The following AGXT2 variants were observed in gnomAD, a reference collection of about 807,000 sequenced individuals.
The protein encoded by AGXT2 is alanine--glyoxylate aminotransferase 2, mitochondrial.
A neutral mutation model predicts 62.5 loss-of-function variants in AGXT2; 61 were observed. The observed-to-expected ratio is 0.98, with a 90% confidence interval of 0.79 to 1.21. The LOEUF is 1.21. Among genes scored for constraint, AGXT2 ranks in the 50% most tolerant of loss-of-function variants. The pLI, the probability that AGXT2 is intolerant of heterozygous loss-of-function variation, is 0.00. For missense variants in AGXT2, 666 were observed against 641.5 expected (o/e 1.04, Z -0.41); for synonymous variants, 243 against 218.7 (o/e 1.11, Z -0.98).
chr5:35,007,853 T>G (rs1766490149), intron 12 of AGXT2, among the ~76,000 whole-genome samples: 1 of 152,176 alleles, frequency 6.6e-6, no homozygotes, highest in South Asian at 2.1e-4. Flanking sequence ...CATGAATGTC[T>G]TGGTGCTGTC....
chr5:35,004,905 A>G (rs890863964), intron 12 of AGXT2, among the ~76,000 whole-genome samples: 1 of 152,208 alleles, frequency 6.6e-6, no homozygotes, highest in African/African-American at 2.4e-5. Flanking sequence ...TTGTCTGAGA[A>G]CAGAATAAGA....
intron 5 of AGXT2, among the ~76,000 whole-genome samples, chr5:35,034,674 T>C (rs1176876276): frequency 5.3e-5 from 8 of 152,216 alleles, no homozygotes; most frequent in Admixed American, 5.2e-4. Context: ...TAAGGGTTTA[T>C]TAATGAATCT....
chr5:35,033,591 C>T (rs370898553), intron 5 of AGXT2, 38 bp from the exon 6 acceptor site: 344 of 1,537,786 alleles, frequency 2.2e-4, no homozygotes, highest in Non-Finnish European at 2.9e-4. Flanking sequence ...GGGTCAAGTT[C>T]CTGGTCCACT....
intron 9 of AGXT2, among the ~76,000 whole-genome samples, chr5:35,020,572 T>C (rs965133312): frequency 1.7e-4 from 26 of 152,040 alleles, no homozygotes; most frequent in African/African-American, 1.2e-4. Context: ...TGGGACGTAT[T>C]TCAAAATAAT....
At chr5:35,002,776 T>TGGG (rs139567894) in intron 13 of AGXT2, among the ~76,000 whole-genome samples, 2,817 of 122,596 alleles carry the variant, frequency 0.023, 90 homozygotes, top group African/African-American at 0.085. Flanking sequence ...GATAGCAGGC[T>TGGG]GGGGGGGGGG....
intron 1 of AGXT2, among the ~76,000 whole-genome samples, chr5:35,047,153 T>A (rs377658578): frequency 5.9e-5 from 9 of 152,172 alleles, no homozygotes; most frequent in African/African-American, 2.2e-4. Flanking sequence ...AAAATAGTCA[T>A]CCTAGCCTGG....
chr5:35,041,215 C>G (rs37372), intron 1 of AGXT2, among the ~76,000 whole-genome samples: 40 of 76,976 alleles, frequency 5.2e-4, no homozygotes, highest in Admixed American at 7.7e-4. Context: ...GACAAAACCT[C>G]CCCCCGCCAA....
At chr5:35,028,087 C>T (rs1271767344) in intron 7 of AGXT2, among the ~76,000 whole-genome samples, 1 of 151,992 alleles carries the variant, frequency 6.6e-6, no homozygotes, top group Non-Finnish European at 1.5e-5. Flanking sequence ...CTCTTCCCTG[C>T]ACTCCACAGA....
At chr5:35,013,107 G>A (rs566696270) in intron 10 of AGXT2, 62 bp from the exon 11 acceptor site, 18 of 1,417,680 alleles carry the variant, frequency 1.3e-5, no homozygotes, top group South Asian at 2.5e-5. Context: ...ATCTCTCATC[G>A]CGCCATTTGG....
intron 2 of AGXT2, 47 bp downstream of exon 2, chr5:35,040,528 C>G (rs1227673956): frequency 6.5e-7 from 1 of 1,549,870 alleles, no homozygotes; most frequent in East Asian, 2.2e-5. Context: ...TTGAGACCTC[C>G]CCAGAGAAAC....
intron 3 of AGXT2, among the ~76,000 whole-genome samples, chr5:35,038,689 G>A (rs1165723071): frequency 6.6e-6 from 1 of 152,122 alleles, no homozygotes; most frequent in Non-Finnish European, 1.5e-5. Flanking sequence ...CTTAGTGTGA[G>A]GTTGCATTGG....
chr5:35,026,530 A>G lies in AGXT2; in HGVS notation c.770-20T>C, dbSNP rs1469597593. On this transcript the variant is annotated intron_variant, in intron 7 of 13. Transcript: ENST00000231420. Reference sequence around the variant, plus strand: ...AGCAGTCTGCAAAAAGCAAACAACAAAACAAAACAAACCACAGCATTTGAA... The same window carrying G: ...AGCAGTCTGCAAAAAGCAAACAACAGAACAAAACAAACCACAGCATTTGAA... 2.5e-6 allele frequency: 4 copies of G among 1,590,748 alleles called. No homozygotes were observed. The highest frequency in any genetic ancestry group is 3.5e-6 in the Non-Finnish European group (4 of 1,159,028).
chr5:35,016,673 TGG>T (rs754206927), intron 9 of AGXT2, among the ~76,000 whole-genome samples: 46 of 152,262 alleles, frequency 3.0e-4, no homozygotes, highest in Non-Finnish European at 5.9e-4. Context: ...CCAAATAAAG[TGG>T]TCTTCCTTGC....
At chr5:35,019,363 T>A (rs1274908747) in intron 9 of AGXT2, among the ~76,000 whole-genome samples, 2 of 148,932 alleles carry the variant, frequency 1.3e-5, no homozygotes, top group African/African-American at 5.0e-5. Flanking sequence ...ACAGAAATTA[T>A]AACAAACTAT....
chr5:35,009,687 T>C (rs1379430769), intron 12 of AGXT2, among the ~76,000 whole-genome samples: 2 of 152,174 alleles, frequency 1.3e-5, no homozygotes, highest in Non-Finnish European at 1.5e-5. Context: ...TTCCTTCTGT[T>C]TCTCCCCAGA....
chr5:35,022,630 G>A (rs1451331738), intron 9 of AGXT2, among the ~76,000 whole-genome samples: 1 of 150,622 alleles, frequency 6.6e-6, no homozygotes, highest in African/African-American at 2.4e-5. Context: ...GCTAGATGAC[G>A]AGTTAGTGGG....
intron 12 of AGXT2, among the ~76,000 whole-genome samples, chr5:35,008,363 G>T (rs1310054819): frequency 6.6e-6 from 1 of 152,158 alleles, no homozygotes; most frequent in Non-Finnish European, 1.5e-5. Context: ...TGAGCACACA[G>T]AGGTTGGGTT....
intron 12 of AGXT2, among the ~76,000 whole-genome samples, chr5:35,005,319 C>T (rs1766381804): frequency 6.6e-6 from 1 of 152,190 alleles, no homozygotes; most frequent in Admixed American, 6.5e-5. Flanking sequence ...ACCTCTGCCT[C>T]CTGGGCTCAA....
Position 35,047,905 on chromosome 5 carries a change from G to C in AGXT2, c.-13C>G, listed in dbSNP as rs772904303. Reference sequence around the variant, plus strand: ...AGATTAGAGTCATTTCTCCCACTCAGAAAGCCAACCCCCATGGAAGCAGAT... The same window carrying C: ...AGATTAGAGTCATTTCTCCCACTCACAAAGCCAACCCCCATGGAAGCAGAT... On this transcript the variant is annotated 5_prime_UTR_variant, in exon 1 of 14. Transcript: ENST00000231420. 1.2e-6 allele frequency: 2 copies of C among 1,613,914 alleles called. No individual in the cohort carries two copies. Among genetic ancestry groups the C allele is most frequent in the Non-Finnish European group, 8.5e-7 (1 of 1,179,924 alleles).
Sources: allele counts gnomAD v4.1 joint callset (sites outside exome capture counted in the v4.1 genomes callset), GRCh38; gene constraint gnomAD v4.1.1; transcripts MANE v1.5; gene names NCBI Gene and HGNC (gene_info 2026-07-23, HGNC 2026-07-21).